The following PACSIN2 variants were observed in gnomAD, a reference collection of about 807,000 sequenced individuals.
PACSIN2 encodes the protein protein kinase C and casein kinase substrate in neurons 2.
PACSIN2 carries 25 observed loss-of-function variants against 63.8 expected under a neutral mutation model. That is an observed-to-expected ratio of 0.39 (90% confidence interval 0.29 to 0.55). The LOEUF (loss-of-function observed/expected upper bound fraction) is 0.55. PACSIN2 is among the 20% of genes least tolerant of loss of function. The pLI, the probability that PACSIN2 is intolerant of heterozygous loss-of-function variation, is 0.62. For synonymous variants in PACSIN2, 255 were observed against 256.2 expected (o/e 1.00, Z 0.05); for missense variants, 518 against 646.9 (o/e 0.80, Z 2.16).
chr22:42,969,518 T>C (rs761189042), intron 1 of PACSIN2, among the ~76,000 whole-genome samples: 25 of 152,146 alleles, frequency 1.6e-4, no homozygotes, highest in Non-Finnish European at 3.2e-4. Context: ...AGATGAGTAA[T>C]CCTCCCACCT....
At chr22:42,919,175 G>A (rs781237147) in intron 1 of PACSIN2, among the ~76,000 whole-genome samples, 6 of 152,182 alleles carry the variant, frequency 3.9e-5, no homozygotes, top group Non-Finnish European at 7.3e-5. Flanking sequence ...GGAAGGTAAA[G>A]TTCCTGGGAA....
intron 1 of PACSIN2, among the ~76,000 whole-genome samples, chr22:42,931,526 G>C (rs1932777030): frequency 6.6e-6 from 1 of 152,194 alleles, no homozygotes; most frequent in Non-Finnish European, 1.5e-5. Context: ...AACACAGTCA[G>C]CGTCAATGGA....
intron 1 of PACSIN2, among the ~76,000 whole-genome samples, chr22:42,916,317 G>A (rs1931801771): frequency 6.8e-6 from 1 of 146,254 alleles, no homozygotes; most frequent in African/African-American, 2.5e-5. Context: ...ACAAGAATCT[G>A]CACCACAAAG....
chr22:43,013,848 C>A (rs753267031), intron 1 of PACSIN2, among the ~76,000 whole-genome samples: 1 of 152,140 alleles, frequency 6.6e-6, no homozygotes, highest in Non-Finnish European at 1.5e-5. Flanking sequence ...CAGCCTACCC[C>A]CTTAACCACA....
chr22:42,980,463 C>G (rs947507668), intron 1 of PACSIN2, among the ~76,000 whole-genome samples: 2 of 148,760 alleles, frequency 1.3e-5, no homozygotes, highest in African/African-American at 5.0e-5. Context: ...AAAAAACAAA[C>G]AACCCTCTCC....
intron 1 of PACSIN2, among the ~76,000 whole-genome samples, chr22:42,974,391 A>G (rs537786504): frequency 9.2e-5 from 14 of 152,278 alleles, no homozygotes; most frequent in South Asian, 2.1e-4. Context: ...CCCTTTGCCA[A>G]TGATTTCCAT....
intron 1 of PACSIN2, chr22:43,002,584 C>A (rs999408575): frequency 6.6e-6 from 1 of 151,866 alleles, no homozygotes; most frequent in Non-Finnish European, 1.5e-5. Context: ...AGAAAGAATC[C>A]CCATTTTTTC....
intron 1 of PACSIN2, among the ~76,000 whole-genome samples, chr22:42,927,592 G>T (rs139450140): frequency 5.3e-5 from 8 of 150,762 alleles, no homozygotes; most frequent in African/African-American, 1.7e-4. Context: ...TAGTTATTTA[G>T]TTAGTTATTT....
intron 1 of PACSIN2, among the ~76,000 whole-genome samples, chr22:42,955,398 G>A (rs770764126): frequency 5.3e-5 from 8 of 152,122 alleles, no homozygotes; most frequent in East Asian, 1.9e-4. Flanking sequence ...ACGGATGGCT[G>A]GAAATAAGCC....
At chr22:43,012,719 C>G (rs915396118) in intron 1 of PACSIN2, among the ~76,000 whole-genome samples, 1 of 151,590 alleles carries the variant, frequency 6.6e-6, no homozygotes, top group African/African-American at 2.4e-5. Context: ...ACGGCCGGAT[C>G]TTGGCTCACC....
chr22:42,891,210 ACTC>A (rs1185307960), intron 3 of PACSIN2, 28 bp from the exon 4 acceptor site: 1 of 1,524,918 alleles, frequency 6.6e-7, no homozygotes. Flanking sequence ...GCTGCGGGTC[ACTC>A]AGCGCCGGCC....
In PACSIN2 at chr22:42,870,648, TG is replaced by T. The variant is rs1385924657; in HGVS notation, c.*708del. ...AAAATAATTTTTAAATATGGCGATT[TG>T]GGGGAGTTCTACCTAAGGTTCTATG... is the stretch of plus-strand genomic sequence containing the variant. On this transcript the variant is annotated 3_prime_UTR_variant, in exon 11 of 11. Transcript: ENST00000263246. 6.6e-6 allele frequency: 1 copy of T among 152,216 alleles called. No homozygotes were observed. The highest frequency in any genetic ancestry group is 2.4e-5 in the African/African-American group (1 of 41,460). The allele number at this position is 152,216 out of a possible 1,614,324, so 9.4% of individuals were successfully genotyped here.
In PACSIN2 at chr22:42,995,205, T is replaced by G. The variant is rs115020390; in HGVS notation, c.-78+19816A>C. On this transcript the variant is annotated intron_variant, in intron 1 of 10. Transcript: ENST00000263246. ...TAAAGTGAGCTGACTGCAGAGAAACTGCACCCTGGCATTCAGTCATGTTTC... is the reference window on the plus strand; with the variant it reads ...TAAAGTGAGCTGACTGCAGAGAAACGGCACCCTGGCATTCAGTCATGTTTC... Among the ~76,000 whole-genome samples, 729 of 152,390 alleles carry G rather than the reference T, an allele frequency of 4.8e-3. 1 individual carries two copies. The highest frequency in any genetic ancestry group is 0.015 in the African/African-American group (621 of 41,596).
At chr22:42,998,205 C>T (rs1044274571) in intron 1 of PACSIN2, among the ~76,000 whole-genome samples, 2 of 152,182 alleles carry the variant, frequency 1.3e-5, no homozygotes, top group Non-Finnish European at 2.9e-5. Context: ...GAGAGTGAGA[C>T]ACATCAATGC....
intron 1 of PACSIN2, among the ~76,000 whole-genome samples, chr22:42,927,008 A>G (rs1932581243): frequency 6.6e-6 from 1 of 152,062 alleles, no homozygotes; most frequent in Admixed American, 6.6e-5. Context: ...GCCTCCCCAC[A>G]CTGCCAAGCC....
chr22:42,877,417 G>A (rs1042799451), intron 8 of PACSIN2, among the ~76,000 whole-genome samples: 1 of 152,082 alleles, frequency 6.6e-6, no homozygotes, highest in African/African-American at 2.4e-5. Flanking sequence ...GTGACAGTGT[G>A]GGAGGGGCCG....
chr22:42,912,071 T>A lies in PACSIN2; in HGVS notation c.10A>T (p.Thr4Ser), dbSNP rs778420151. ...TCTACTCCAACGGAATCATCATATG[T>A]GACAGACATTTTTTCAAAGGCTGAG... MSV[T>S]YDDSVGVEVS... The change falls in exon 2 of 11, where the codon ACA (threonine) becomes TCA (serine). Residue 4 changes from threonine (T) to serine (S), a missense_variant. Thr to Ser is a moderately conservative substitution (Grantham distance 58). Transcript: ENST00000263246. 3 of 1,598,562 alleles carry A rather than the reference T, an allele frequency of 1.9e-6. No individual in the cohort carries two copies.
intron 1 of PACSIN2, among the ~76,000 whole-genome samples, chr22:42,949,321 C>T (rs1358152297): frequency 6.6e-6 from 1 of 152,166 alleles, no homozygotes; most frequent in Non-Finnish European, 1.5e-5. Context: ...TCCTCCTGGC[C>T]TCTCTGGCAA....
At chr22:42,937,407 G>A (rs1337610099) in intron 1 of PACSIN2, among the ~76,000 whole-genome samples, 1 of 152,014 alleles carries the variant, frequency 6.6e-6, no homozygotes, top group Non-Finnish European at 1.5e-5. Context: ...CCAGGCAGGC[G>A]GCAGTAGAAA....
Sources: allele counts gnomAD v4.1 joint callset (sites outside exome capture counted in the v4.1 genomes callset), GRCh38; gene constraint gnomAD v4.1.1; transcripts MANE v1.5; gene names NCBI Gene and HGNC (gene_info 2026-07-23, HGNC 2026-07-21).